Variants in PXDNL observed in about 807,000 individuals in gnomAD.
PXDNL encodes probable oxidoreductase PXDNL.
A neutral mutation model predicts 150.8 loss-of-function variants in PXDNL; 145 were observed. That is an observed-to-expected ratio of 0.96 (90% CI 0.84 to 1.10). PXDNL has a LOEUF of 1.10. Ranked by LOEUF, PXDNL falls within the 50% of genes least tolerant of loss-of-function variation. The probability of loss-of-function intolerance (pLI) is 0.00; values close to 1 mark genes in which losing one functional copy is unlikely to be tolerated. For synonymous variants in PXDNL, 757 were observed against 725.7 expected (o/e 1.04, Z -0.69); for missense variants, 2,087 against 1,873.9 (o/e 1.11, Z -2.10).
At chr8:51,662,914 C>T (rs1815305503) in intron 1 of PXDNL, among the ~76,000 whole-genome samples, 2 of 152,202 alleles carry the variant, frequency 1.3e-5, no homozygotes, top group African/African-American at 4.8e-5. Flanking sequence ...TTATAAACAT[C>T]CAGTACTACT....
intron 4 of PXDNL, among the ~76,000 whole-genome samples, chr8:51,546,480 AAGCCATTCCT>A (rs1426196165): frequency 6.6e-6 from 1 of 152,206 alleles, no homozygotes; most frequent in Non-Finnish European, 1.5e-5. Context: ...GAGTCCAGGG[AAGCCATTCCT>A]AGCCTTACCT....
chr8:51,409,135 C>T lies in PXDNL; in HGVS notation c.2489G>A (p.Arg830Gln). 1 of 1,604,616 alleles carries T rather than the reference C, an allele frequency of 6.2e-7. No homozygotes were observed. The change falls in exon 17 of 23, where the codon CGG becomes CAG. Residue 830 changes from arginine (R) to glutamine (Q), a missense_variant. By Grantham distance (43) the Arg-to-Gln change is conservative. Transcript: ENST00000356297. The stretch of plus-strand genomic sequence containing the variant: ...GTTGGTGCAGACGGAGCTGCACGGC[C>T]GCCCATCCGAGAAGCGGGCTGTGCT... Reference protein sequence around the residue: ...ALSTARFSDGRPCSSVCTNDP... With the variant: ...ALSTARFSDGQPCSSVCTNDP...
intron 19 of PXDNL, among the ~76,000 whole-genome samples, chr8:51,353,127 GTTA>G (rs1476258996): frequency 1.3e-5 from 2 of 150,894 alleles, no homozygotes; most frequent in Non-Finnish European, 3.0e-5. Flanking sequence ...GAAAAAGCAT[GTTA>G]TTATTATGTT....
chr8:51,718,095 T>C (rs1816654045), intron 1 of PXDNL, among the ~76,000 whole-genome samples: 1 of 152,280 alleles, frequency 6.6e-6, no homozygotes, highest in East Asian at 1.9e-4. Context: ...TGTCTTGCTT[T>C]TGACACAGCT....
At chr8:51,435,466 G>C (rs1477958890) in intron 12 of PXDNL, 1 of 152,318 alleles carries the variant, frequency 6.6e-6, no homozygotes, top group Non-Finnish European at 1.5e-5. Context: ...GTTGCAGCCT[G>C]GTAGAATGGC....
intron 3 of PXDNL, among the ~76,000 whole-genome samples, chr8:51,560,456 C>A (rs1453032381): frequency 1.3e-5 from 2 of 151,850 alleles, no homozygotes; most frequent in Non-Finnish European, 2.9e-5. Context: ...ATGGTACTGG[C>A]ATAGAAACAG....
chr8:51,563,212 C>CA lies in PXDNL; in HGVS notation c.309-6302dup, dbSNP rs553781041. ...AAGTACATAGACTGGATGGCTTGAA[C>CA]AATAGCAATTTATATGCTAACAGTT... On this transcript the variant is annotated intron_variant, in intron 3 of 22. Transcript: ENST00000356297. Among the ~76,000 whole-genome samples the CA allele has an allele frequency of 1.5e-3, 231 of 152,126 alleles. 8 individuals carry two copies. Among genetic ancestry groups the CA allele is most frequent in the Non-Finnish European group, 1.0e-3 (69 of 67,936 alleles).
chr8:51,408,453 G>A lies in PXDNL; in HGVS notation c.3171C>T (p.His1057=), dbSNP rs577105221. The A allele has an allele frequency of 2.5e-6, 4 of 1,614,002 alleles. No homozygotes were observed. The African/African-American group carries it at 5.3e-5, about 21-fold the overall frequency. Residue 1057 remains histidine, a synonymous_variant, in exon 17 of 23, where the codon CAC becomes CAT. Transcript: ENST00000356297. The part of the protein sequence containing the change: ...SFATAAFRFG[H]TLINPILYRL... ...GGTAAAGAATAGGATTGATTAATGT[G>A]TGGCCAAATCTAAAGGCTGCAGTAG...
intron 8 of PXDNL, among the ~76,000 whole-genome samples, chr8:51,459,356 T>G (rs1413695242): frequency 2.6e-5 from 4 of 152,214 alleles, no homozygotes; most frequent in Non-Finnish European, 5.9e-5. Context: ...TGCAAAGGAA[T>G]ATGACAAATG....
chr8:51,583,257 G>T (rs1279519251), intron 3 of PXDNL, among the ~76,000 whole-genome samples: 2 of 152,124 alleles, frequency 1.3e-5, no homozygotes, highest in Admixed American at 1.3e-4. Flanking sequence ...CATGGCGCCA[G>T]CATCTGCTTG....
chr8:51,338,182 CAAAAAAAAA>C (rs757946882), intron 21 of PXDNL, among the ~76,000 whole-genome samples: 32,523 of 90,104 alleles, frequency 0.36, 3,755 homozygotes, highest in Middle Eastern at 0.45. Flanking sequence ...GACTCCATCT[CAAAAAAAAA>C]AAAAAAAAAA....
At position 51,423,734 on chromosome 8, in the gene PXDNL, A is replaced by C; in HGVS notation, c.1639-3T>G. 6.2e-7 allele frequency: 1 copy of C among 1,607,420 alleles called. No individual in the cohort carries two copies. On this transcript the variant is annotated splice_region_variant and splice_polypyrimidine_tract_variant and intron_variant, in intron 13 of 22. Transcript: ENST00000356297. ...CTCTCAGTAATCTGCACACCTTCCT[A>C]GGGAGCAAAAAAGAGTTGCCACTGA...
chr8:51,619,867 C>T (rs925215349), intron 2 of PXDNL, among the ~76,000 whole-genome samples: 4 of 152,162 alleles, frequency 2.6e-5, no homozygotes, highest in African/African-American at 9.7e-5. Context: ...CCCTTTTCAT[C>T]CAATCAGATT....
chr8:51,710,986 G>A (rs1265794727), intron 1 of PXDNL, among the ~76,000 whole-genome samples: 2 of 152,092 alleles, frequency 1.3e-5, no homozygotes, highest in Non-Finnish European at 1.5e-5. Flanking sequence ...CTCACCATAT[G>A]TGTTCAACGT....
chr8:51,408,073 A>G lies in PXDNL; in HGVS notation c.3551T>C (p.Leu1184Pro). The change falls in exon 17 of 23, where the codon CTG (leucine) becomes CCG (proline). Residue 1184 changes from leucine (L) to proline (P), a missense_variant. Transcript: ENST00000356297. ...GCAGCATTTGCATACTTACTTTCTC[A>G]GTTTTTGTCTAATCTCTGAATCTTT... ...EIKDSEIRQK[L>P]RKLYGSPGDI... 1.3e-6 allele frequency: 2 copies of G among 1,599,786 alleles called. No homozygotes were observed. The highest frequency in any genetic ancestry group is 1.7e-6 in the Non-Finnish European group (2 of 1,174,404).
At chr8:51,750,166 T>C (rs2037029808) in intron 1 of PXDNL, among the ~76,000 whole-genome samples, 1 of 152,176 alleles carries the variant, frequency 6.6e-6, no homozygotes, top group African/African-American at 2.4e-5. Flanking sequence ...AATTTTTATA[T>C]CCTTATTTAC....
intron 1 of PXDNL, among the ~76,000 whole-genome samples, chr8:51,765,696 T>C (rs2037221512): frequency 1.3e-5 from 2 of 152,122 alleles, no homozygotes; most frequent in African/African-American, 4.8e-5. Context: ...TTCATTAATA[T>C]TATTATAAAT....
intron 4 of PXDNL, among the ~76,000 whole-genome samples, chr8:51,504,130 A>G (rs1056574019): frequency 6.6e-6 from 1 of 152,112 alleles, no homozygotes; most frequent in African/African-American, 2.4e-5. Flanking sequence ...TCTTGAATGT[A>G]TTCCATTCTC....
intron 19 of PXDNL, among the ~76,000 whole-genome samples, chr8:51,366,460 G>A (rs933188868): frequency 6.6e-6 from 1 of 151,692 alleles, no homozygotes. Flanking sequence ...GGCTCAGGAG[G>A]CTGCCCTTTG....
Sources: gnomAD v4.1 joint callset for allele counts (sites outside exome capture counted in the v4.1 genomes callset) on GRCh38, gnomAD v4.1.1 for gene constraint, MANE v1.5 for transcripts, NCBI Gene and HGNC (gene_info 2026-07-23, HGNC 2026-07-21) for gene names.